BMP6: variants seen among roughly 807,000 people sequenced by gnomAD.
The protein encoded by BMP6 is VG-1-R.
Under a neutral mutation model 54.1 loss-of-function variants are expected in BMP6, and 17 were observed. The observed-to-expected ratio is 0.31, with a 90% CI of 0.22 to 0.47. BMP6 has a LOEUF of 0.47. Ranked by LOEUF, BMP6 falls within the 20% of genes least tolerant of loss-of-function variation. BMP6 has a pLI of 1.00. For missense variants in BMP6, 720 were observed against 690.4 expected, an observed-to-expected ratio of 1.04 and a Z score of -0.48; for synonymous variants, 328 against 291.2, an observed-to-expected ratio of 1.13 and a Z score of -1.28.
chr6:7,829,113 C>G, intron 1 of BMP6, among the ~76,000 whole-genome samples: 1 of 152,286 alleles, frequency 6.6e-6, no homozygotes, highest in South Asian at 2.1e-4. Flanking sequence ...ACCAAATAGC[C>G]CCATCGTCAT....
intron 1 of BMP6, among the ~76,000 whole-genome samples, chr6:7,734,458 G>A (rs1240552852): frequency 6.6e-6 from 1 of 152,194 alleles, no homozygotes; most frequent in East Asian, 1.9e-4. Flanking sequence ...CCAGGCTGGA[G>A]TGGATAATGA....
At chr6:7,863,794 G>A (rs951274121) in intron 4 of BMP6, among the ~76,000 whole-genome samples, 5 of 152,084 alleles carry the variant, frequency 3.3e-5, no homozygotes, top group African/African-American at 9.7e-5. Context: ...TGAGGCGGGC[G>A]GATTACTTGA....
At chr6:7,833,112 A>G (rs567900378) in intron 1 of BMP6, among the ~76,000 whole-genome samples, 3 of 152,122 alleles carry the variant, frequency 2.0e-5, no homozygotes, top group Non-Finnish European at 4.4e-5. Context: ...GTGGTAGTGA[A>G]GGGAGTGGGA....
At chr6:7,843,434 C>A (rs1194337597) in intron 1 of BMP6, among the ~76,000 whole-genome samples, 1 of 146,602 alleles carries the variant, frequency 6.8e-6, no homozygotes, top group Non-Finnish European at 1.5e-5. Flanking sequence ...TTTTTCTTTT[C>A]TTTTCTTTCT....
At chr6:7,804,284 C>CTTT (rs35888811) in intron 1 of BMP6, among the ~76,000 whole-genome samples, 8,957 of 149,362 alleles carry the variant, frequency 0.06, 353 homozygotes, top group Non-Finnish European at 0.089. Flanking sequence ...GTTAAAGTAA[C>CTTT]TTTTTTTTTT....
intron 4 of BMP6, among the ~76,000 whole-genome samples, chr6:7,877,382 G>A (rs899272632): frequency 2.6e-5 from 4 of 152,194 alleles, no homozygotes; most frequent in Non-Finnish European, 5.9e-5. Context: ...AGCACTCTGG[G>A]AGGCTGAGAT....
chr6:7,787,170 T>G (rs1289890266), intron 1 of BMP6, among the ~76,000 whole-genome samples: 2 of 152,200 alleles, frequency 1.3e-5, no homozygotes, highest in Admixed American at 1.3e-4. Context: ...GGGAGATCAT[T>G]CCTTGAATAA....
intron 1 of BMP6, among the ~76,000 whole-genome samples, chr6:7,822,895 GGTTGTGTGTGTGTGTGTGTGTGT>G (rs1238713363): frequency 6.9e-4 from 100 of 144,194 alleles, no homozygotes; most frequent in African/African-American, 2.1e-3. Flanking sequence ...GATTGGTGCT[GGTTGTGTGTGTGTGTGTGTGTGT>G]GTGTGTGTGT....
At chr6:7,823,086 ATCCCTC>A (rs1758640810) in intron 1 of BMP6, among the ~76,000 whole-genome samples, 1 of 152,126 alleles carries the variant, frequency 6.6e-6, no homozygotes, top group Admixed American at 6.5e-5. Context: ...ATTCTCCCAG[ATCCCTC>A]ACTTTCTTTT....
rs115425572 is a variant in BMP6 at position 7,807,091 on chromosome 6, G to A, written c.665-38049G>A. Among the ~76,000 whole-genome samples the A allele has an allele frequency of 1.8e-3, 272 of 152,250 alleles. 2 individuals carry two copies. The highest frequency in any genetic ancestry group is 6.0e-3 in the African/African-American group (249 of 41,544). ...TCAGATTGTCAATTTTTCTGTTATT[G>A]TTAGGAAACAGAGGGTCATTCTCTT... is the stretch of plus-strand genomic sequence containing the variant. On this transcript the variant is annotated intron_variant, in intron 1 of 6. Transcript: ENST00000283147.
intron 1 of BMP6, among the ~76,000 whole-genome samples, chr6:7,791,611 A>C (rs1477439822): frequency 6.6e-6 from 1 of 152,010 alleles, no homozygotes; most frequent in African/African-American, 2.4e-5. Context: ...TGACTCTCCT[A>C]ATGGCGCTCT....
chr6:7,783,903 G>A (rs1757984848), intron 1 of BMP6, among the ~76,000 whole-genome samples: 1 of 152,192 alleles, frequency 6.6e-6, no homozygotes, highest in Non-Finnish European at 1.5e-5. Context: ...TCTGGTCACT[G>A]TTGCCCTCCA....
At chr6:7,823,106 A>G (rs1468542567) in intron 1 of BMP6, among the ~76,000 whole-genome samples, 1 of 152,112 alleles carries the variant, frequency 6.6e-6, no homozygotes, top group East Asian at 1.9e-4. Context: ...TTCTTTTTCC[A>G]TGGAAAATGT....
At chr6:7,767,780 T>G (rs1291190972) in intron 1 of BMP6, among the ~76,000 whole-genome samples, 1 of 152,202 alleles carries the variant, frequency 6.6e-6, no homozygotes, top group Non-Finnish European at 1.5e-5. Flanking sequence ...GTGTCTCTTG[T>G]GTTTTTTGCT....
At chr6:7,876,659 C>A (rs1476742743) in intron 4 of BMP6, among the ~76,000 whole-genome samples, 1 of 152,148 alleles carries the variant, frequency 6.6e-6, no homozygotes, top group Non-Finnish European at 1.5e-5. Context: ...GTTAAGTAAT[C>A]TGTTTAATCT....
chr6:7,864,047 T>C (rs950841112), intron 4 of BMP6, among the ~76,000 whole-genome samples: 1 of 151,156 alleles, frequency 6.6e-6, no homozygotes, highest in Non-Finnish European at 1.5e-5. Flanking sequence ...AGTGTGTTTT[T>C]AGGAAGTGGC....
At chr6:7,760,738 G>C (rs183214932) in intron 1 of BMP6, among the ~76,000 whole-genome samples, 1 of 152,224 alleles carries the variant, frequency 6.6e-6, no homozygotes, top group Non-Finnish European at 1.5e-5. Flanking sequence ...AAAGTGCGGG[G>C]ATTACAGGCG....
intron 1 of BMP6, among the ~76,000 whole-genome samples, chr6:7,772,051 C>CAAA (rs68086058): frequency 0.069 from 9,799 of 141,134 alleles, 543 homozygotes; most frequent in East Asian, 0.33. Context: ...AAGCCTGCCT[C>CAAA]AAAAAAAAAA....
intron 1 of BMP6, among the ~76,000 whole-genome samples, chr6:7,789,080 CAAGT>C (rs1182472317): frequency 6.6e-6 from 1 of 152,174 alleles, no homozygotes; most frequent in Non-Finnish European, 1.5e-5. Flanking sequence ...CCAGTACAAT[CAAGT>C]AACATATCCA....
Sources: gnomAD v4.1 joint callset for allele counts (sites outside exome capture counted in the v4.1 genomes callset) on GRCh38, gnomAD v4.1.1 for gene constraint, MANE v1.5 for transcripts, NCBI Gene and HGNC (gene_info 2026-07-23, HGNC 2026-07-21) for gene names.